PPARGC1A: variants seen among roughly 807,000 people sequenced by gnomAD.
PPARGC1A encodes PPARG coactivator 1 alpha.
PPARGC1A carries 25 observed loss-of-function variants against 88.7 expected under a neutral mutation model. That is an observed-to-expected ratio of 0.28 (90% CI 0.21 to 0.39). The LOEUF is 0.39. PPARGC1A is among the 10% of genes least tolerant of loss of function. PPARGC1A has a pLI of 1.00. For synonymous variants in PPARGC1A, 363 were observed against 355.6 expected (o/e 1.02, Z -0.24); for missense variants, 880 against 968.7 (o/e 0.91, Z 1.22).
chr4:23,863,598 T>G (rs564262312), intron 2 of PPARGC1A, among the ~76,000 whole-genome samples: 1 of 152,294 alleles, frequency 6.6e-6, no homozygotes, highest in South Asian at 2.1e-4. Context: ...TCCTGTTCAG[T>G]TTTTTATTCC....
chr4:24,233,635 A>T, the PPARGC1A span, among the ~76,000 whole-genome samples: 8 of 151,584 alleles, frequency 5.3e-5, no homozygotes, highest in African/African-American at 1.9e-4. Flanking sequence ...TACACACCCA[A>T]GGTTTAGTAA....
At chr4:23,954,591 AT>A in the PPARGC1A span, among the ~76,000 whole-genome samples, 1 of 152,038 alleles carries the variant, frequency 6.6e-6, no homozygotes, top group African/African-American at 2.4e-5. Flanking sequence ...ATAGATGCCA[AT>A]CTGAAATATA....
chr4:23,804,581 A>G (rs2109365961), intron 10 of PPARGC1A, among the ~76,000 whole-genome samples: 1 of 152,326 alleles, frequency 6.6e-6, no homozygotes, highest in Middle Eastern at 3.4e-3. Flanking sequence ...ATGGCTTCTC[A>G]TAACTTTTAA....
At chr4:23,947,600 C>T in the PPARGC1A span, among the ~76,000 whole-genome samples, 2,174 of 151,914 alleles carry the variant, frequency 0.014, 49 homozygotes, top group African/African-American at 0.048. Flanking sequence ...TTGTTGACAA[C>T]GCTTTACTGC....
chr4:24,056,590 C>A, the PPARGC1A span, among the ~76,000 whole-genome samples: 1 of 152,062 alleles, frequency 6.6e-6, no homozygotes, highest in Non-Finnish European at 1.5e-5. Context: ...CTTATTTTTC[C>A]TAGAATGGCT....
the PPARGC1A span, among the ~76,000 whole-genome samples, chr4:24,338,913 G>A: frequency 2.0e-5 from 3 of 151,934 alleles, no homozygotes; most frequent in South Asian, 6.2e-4. Flanking sequence ...CTTTATTATT[G>A]TGGTAAAATA....
At chr4:23,916,111 A>G in the PPARGC1A span, among the ~76,000 whole-genome samples, 1 of 152,242 alleles carries the variant, frequency 6.6e-6, no homozygotes, top group Non-Finnish European at 1.5e-5. Flanking sequence ...TGGGAATTAA[A>G]TGAGTTTATG....
At chr4:24,130,652 C>G in the PPARGC1A span, among the ~76,000 whole-genome samples, 1 of 152,110 alleles carries the variant, frequency 6.6e-6, no homozygotes, top group East Asian at 1.9e-4. Flanking sequence ...ACCAAGCTTC[C>G]CATTATGCAC....
chr4:23,952,727 T>C, the PPARGC1A span, among the ~76,000 whole-genome samples: 2 of 152,094 alleles, frequency 1.3e-5, no homozygotes, highest in Non-Finnish European at 1.5e-5. Flanking sequence ...GCTTATACAA[T>C]GTAAGGAACC....
chr4:24,325,971 C>T, the PPARGC1A span, among the ~76,000 whole-genome samples: 11 of 152,250 alleles, frequency 7.2e-5, no homozygotes, highest in South Asian at 4.2e-4. Context: ...CTTATTAGGC[C>T]GAGATATTTT....
upstream of PPARGC1A, among the ~76,000 whole-genome samples, chr4:23,899,495 A>T (rs1719037112): frequency 6.6e-6 from 1 of 152,350 alleles, no homozygotes; most frequent in East Asian, 1.9e-4. Flanking sequence ...TTTAAATATT[A>T]ATTAATGTGA....
chr4:24,209,041 C>T, the PPARGC1A span, among the ~76,000 whole-genome samples: 1 of 152,124 alleles, frequency 6.6e-6, no homozygotes, highest in South Asian at 2.1e-4. Flanking sequence ...CCACAATGCA[C>T]CATTATGGTC....
chr4:24,282,572 G>A, the PPARGC1A span, among the ~76,000 whole-genome samples: 21 of 152,320 alleles, frequency 1.4e-4, no homozygotes, highest in South Asian at 8.3e-4. Context: ...ATTCTGTAAG[G>A]AACGTCTCCA....
At chr4:23,936,400 G>A in the PPARGC1A span, among the ~76,000 whole-genome samples, 1 of 152,156 alleles carries the variant, frequency 6.6e-6, no homozygotes, top group East Asian at 1.9e-4. Flanking sequence ...AAGATCTGAA[G>A]TATGGCAATC....
At chr4:23,934,558 A>G in the PPARGC1A span, among the ~76,000 whole-genome samples, 12 of 152,296 alleles carry the variant, frequency 7.9e-5, no homozygotes, top group South Asian at 2.1e-3. Flanking sequence ...GAGAGACTTC[A>G]TGAAGGAGAT....
At chr4:24,047,798 T>C in the PPARGC1A span, among the ~76,000 whole-genome samples, 1 of 152,196 alleles carries the variant, frequency 6.6e-6, no homozygotes. Flanking sequence ...ATCCTATTCA[T>C]GAACCTACAC....
chr4:24,453,417 A>G, the PPARGC1A span, among the ~76,000 whole-genome samples: 1 of 152,252 alleles, frequency 6.6e-6, no homozygotes, highest in Non-Finnish European at 1.5e-5. Flanking sequence ...CTAATGACTG[A>G]CTAGAAGCAA....
chr4:24,132,457 G>A, the PPARGC1A span, among the ~76,000 whole-genome samples: 5 of 152,128 alleles, frequency 3.3e-5, no homozygotes, highest in African/African-American at 1.2e-4. Context: ...AAACAGTGCA[G>A]AACTCTCGAG....
chr4:24,087,483 A>G, the PPARGC1A span, among the ~76,000 whole-genome samples: 1 of 152,212 alleles, frequency 6.6e-6, no homozygotes, highest in Non-Finnish European at 1.5e-5. Flanking sequence ...CCTATTATAA[A>G]TCATTATCCA....
Sources: allele counts gnomAD v4.1 joint callset (sites outside exome capture counted in the v4.1 genomes callset), GRCh38; gene constraint gnomAD v4.1.1; transcripts MANE v1.5; gene names NCBI Gene and HGNC (gene_info 2026-07-23, HGNC 2026-07-21).